Variants in BEND5 observed in about 807,000 individuals in gnomAD.
BEND5 encodes the protein BEN domain containing 5, also known as BEN domain-containing protein 5.
A neutral mutation model predicts 43.9 loss-of-function variants in BEND5; 22 were observed. That is an observed-to-expected ratio of 0.50 (90% confidence interval 0.36 to 0.72). The LOEUF (loss-of-function observed/expected upper bound fraction) is 0.72, where lower values mean the gene tolerates loss of function less well. Among genes scored for constraint, BEND5 ranks in the 30% least tolerant of loss-of-function variants. The pLI is 0.00. For missense variants in BEND5, 428 were observed against 550.6 expected, an observed-to-expected ratio of 0.78 and a Z score of 2.23; for synonymous variants, 228 against 225.9, an observed-to-expected ratio of 1.01 and a Z score of -0.08.
chr1:48,752,535 A>C (rs1339859792), intron 3 of BEND5, among the ~76,000 whole-genome samples: 1 of 152,170 alleles, frequency 6.6e-6, no homozygotes, highest in African/African-American at 2.4e-5. Flanking sequence ...GGAAACAGGA[A>C]ATCTCTAGGT....
intron 5 of BEND5, among the ~76,000 whole-genome samples, chr1:48,732,101 T>TG (rs1648231157): frequency 1.3e-5 from 2 of 151,930 alleles, no homozygotes; most frequent in African/African-American, 2.4e-5. Flanking sequence ...AAGAGAGATT[T>TG]GGGGCCAAAC....
intron 1 of BEND5, among the ~76,000 whole-genome samples, chr1:48,770,569 G>T (rs536332574): frequency 1.3e-5 from 2 of 152,204 alleles, no homozygotes; most frequent in South Asian, 4.2e-4. Flanking sequence ...CTTAGTTCAT[G>T]ACTTCCAGAT....
Position 48,776,669 on chromosome 1 carries a change from G to C in BEND5, c.163C>G (p.Pro55Ala), listed in dbSNP as rs1645106213. The change falls in exon 1 of 6, where the codon CCG becomes GCG. Residue 55 changes from proline (P) to alanine (A), a missense_variant. By Grantham distance (27) the Pro-to-Ala change is conservative. This residue lies in a region of BEND5 where 107 missense variants were observed against 98.8 expected (regional missense o/e 1.08). Coordinates refer to ENST00000371833, the MANE Select transcript of BEND5 (RefSeq NM_024603.4). ...EELGAGPESPPRAPRDWGALL... is the reference protein window; with the variant it reads ...EELGAGPESPARAPRDWGALL... ...GCGCCCCAGTCGCGGGGGGCGCGCGGGGGGCTCTCGGGCCCGGCGCCCAAT... is the reference window on the plus strand; with the variant it reads ...GCGCCCCAGTCGCGGGGGGCGCGCGCGGGGCTCTCGGGCCCGGCGCCCAAT... 1 of 1,499,258 alleles carries C rather than the reference G, an allele frequency of 6.7e-7. No homozygotes were observed. Among genetic ancestry groups the C allele is most frequent in the South Asian group, 1.3e-5 (1 of 79,026 alleles). The allele number at this position is 1,499,258 out of a possible 1,614,324, so 92.9% of individuals were successfully genotyped here.
At chr1:48,775,774 C>A (rs765492208) in intron 1 of BEND5, among the ~76,000 whole-genome samples, 4 of 152,214 alleles carry the variant, frequency 2.6e-5, no homozygotes, top group Non-Finnish European at 5.9e-5. Context: ...CCCTCATCTA[C>A]GAAATGGAGA....
chr1:48,768,497 A>AAGG (rs1197657806), intron 1 of BEND5, among the ~76,000 whole-genome samples: 1 of 152,202 alleles, frequency 6.6e-6, no homozygotes, highest in Admixed American at 6.5e-5. Context: ...CTGGGGAAAA[A>AAGG]AGGAAGCATG....
At chr1:48,750,545 A>G (rs1471985203) in intron 3 of BEND5, among the ~76,000 whole-genome samples, 1 of 152,140 alleles carries the variant, frequency 6.6e-6, no homozygotes, top group Non-Finnish European at 1.5e-5. Context: ...GACCAAAGTA[A>G]AGCTCACCCT....
chr1:48,766,953 T>C (rs1253857613), intron 1 of BEND5, among the ~76,000 whole-genome samples: 2 of 152,202 alleles, frequency 1.3e-5, no homozygotes, highest in Non-Finnish European at 2.9e-5. Flanking sequence ...ATGCAAGGTG[T>C]GACTTCGTGA....
chr1:48,730,767 T>G (rs772551924), intron 5 of BEND5, among the ~76,000 whole-genome samples: 4 of 152,222 alleles, frequency 2.6e-5, no homozygotes, highest in Non-Finnish European at 4.4e-5. Context: ...TTGAGATTAT[T>G]GCTTAATTAA....
At chr1:48,746,553 C>T (rs1570471532) in intron 3 of BEND5, among the ~76,000 whole-genome samples, 2 of 152,362 alleles carry the variant, frequency 1.3e-5, no homozygotes, top group East Asian at 1.9e-4. Context: ...ATTTCTCACT[C>T]AGCACCATTT....
At position 48,758,863 on chromosome 1, in the gene BEND5, C is replaced by T. The variant is rs772921005; in HGVS notation, c.745+37G>A. 51 of 1,462,618 alleles carry T rather than the reference C, an allele frequency of 3.5e-5. 1 individual carries two copies. In the South Asian group the frequency reaches 6.8e-4, roughly 20 times the overall value. 90.6% of individuals were successfully genotyped at this position (1,462,618 alleles called of 1,614,324 possible). On this transcript the variant is annotated intron_variant, in intron 3 of 5. Coordinates refer to ENST00000371833, the MANE Select transcript of BEND5 (RefSeq NM_024603.4). ...AGAGGATCTGCATGAAGTATTTCACCCAAGTGGAGTGGTAGGTGACCTGCT... is the reference window on the plus strand; with the variant it reads ...AGAGGATCTGCATGAAGTATTTCACTCAAGTGGAGTGGTAGGTGACCTGCT...
At chr1:48,775,193 C>T (rs1165499533) in intron 1 of BEND5, among the ~76,000 whole-genome samples, 1 of 152,188 alleles carries the variant, frequency 6.6e-6, no homozygotes, top group African/African-American at 2.4e-5. Context: ...GGTGGGCCTA[C>T]ACTTCGGTGT....
chr1:48,734,719 C>T (rs1168544968), intron 5 of BEND5, among the ~76,000 whole-genome samples: 2 of 152,226 alleles, frequency 1.3e-5, no homozygotes, highest in Non-Finnish European at 2.9e-5. Flanking sequence ...GCTCAAATGT[C>T]ACCTCCTCAA....
chr1:48,733,117 A>T (rs1484981454), intron 5 of BEND5, among the ~76,000 whole-genome samples: 1 of 152,190 alleles, frequency 6.6e-6, no homozygotes. Flanking sequence ...TCGTCTTTCC[A>T]GGAGCCTGCA....
At chr1:48,752,811 A>G (rs1166306609) in intron 3 of BEND5, among the ~76,000 whole-genome samples, 1 of 151,626 alleles carries the variant, frequency 6.6e-6, no homozygotes, top group Non-Finnish European at 1.5e-5. Flanking sequence ...GTGCAGTGGC[A>G]TGATCTTGGC....
chr1:48,776,553 G>C, intron 1 of BEND5, 53 bp downstream of exon 1: 85 of 679,670 alleles, frequency 1.3e-4, no homozygotes, highest in Middle Eastern at 5.4e-4. Flanking sequence ...GGCCCCTCCC[G>C]GGGTCCCAGC....
At chr1:48,767,122 T>C (rs957470013) in intron 1 of BEND5, among the ~76,000 whole-genome samples, 4 of 152,210 alleles carry the variant, frequency 2.6e-5, no homozygotes, top group Admixed American at 2.6e-4. Context: ...TGGCCCAGTA[T>C]CTAGCAAAAA....
rs900615772 is a variant in BEND5 at position 48,759,096 on chromosome 1, A to G, written c.549T>C (p.Tyr183=). ...GCTGGTAGTTGCGCAGCAGCTCCTC[A>G]TACAGAGCCCGGGGCACCACAGCAT... is the stretch of plus-strand genomic sequence containing the variant. ...LEDAVVPRAL[Y]EELLRNYQQQ... The change falls in exon 3 of 6, where the codon TAT becomes TAC. Residue 183 remains tyrosine (Y), a synonymous_variant. Transcript: ENST00000371833. 10 of 1,612,206 alleles carry G rather than the reference A, an allele frequency of 6.2e-6. No homozygotes were observed. The highest frequency in any genetic ancestry group is 1.7e-4 in the Middle Eastern group (1 of 6,042).
intron 5 of BEND5, 36 bp from the exon 6 acceptor site, chr1:48,728,079 G>C (rs564039714): frequency 6.5e-7 from 1 of 1,529,684 alleles, no homozygotes; most frequent in Admixed American, 2.0e-5. Flanking sequence ...AAGGATTAAT[G>C]GTGAATTCAA....
intron 1 of BEND5, among the ~76,000 whole-genome samples, chr1:48,773,365 A>G (rs921899821): frequency 1.3e-5 from 2 of 152,140 alleles, no homozygotes; most frequent in African/African-American, 4.8e-5. Context: ...TGGCAAATAA[A>G]TGAGAGTAAA....
Sources: allele counts gnomAD v4.1 joint callset (sites outside exome capture counted in the v4.1 genomes callset), GRCh38; gene constraint gnomAD v4.1.1; regional missense constraint gnomAD v4.1.1; transcripts MANE v1.5; gene names NCBI Gene and HGNC (gene_info 2026-07-23, HGNC 2026-07-21).